Variants in LEKR1 observed in about 807,000 individuals in gnomAD.
LEKR1 encodes leucine, glutamate and lysine rich 1, also known as protein LEKR1.
A neutral mutation model predicts 72.4 loss-of-function variants in LEKR1; 59 were observed. The ratio of observed to expected loss-of-function variants is 0.82; its 90% CI spans 0.66 to 1.01. The LOEUF (loss-of-function observed/expected upper bound fraction) is 1.01, where lower values mean the gene tolerates loss of function less well. Among genes scored for constraint, LEKR1 ranks in the 50% least tolerant of loss-of-function variants. The pLI is 0.00. For synonymous variants in LEKR1, 257 were observed against 263.2 expected (o/e 0.98, Z 0.23); for missense variants, 728 against 759.2 (o/e 0.96, Z 0.48).
intron 4 of LEKR1, among the ~76,000 whole-genome samples, chr3:156,922,254 T>A (rs1724263903): frequency 6.6e-6 from 1 of 152,066 alleles, no homozygotes; most frequent in Non-Finnish European, 1.5e-5. Flanking sequence ...ATTTCTAGAG[T>A]TCAGTGACTT....
chr3:156,999,471 C>T (rs1198385194), intron 9 of LEKR1, among the ~76,000 whole-genome samples: 2 of 152,112 alleles, frequency 1.3e-5, no homozygotes, highest in Non-Finnish European at 2.9e-5. Flanking sequence ...GCAGGTTTCA[C>T]AATGAGGAGC....
At chr3:157,000,593 A>G (rs1373067184) in intron 9 of LEKR1, among the ~76,000 whole-genome samples, 2 of 152,230 alleles carry the variant, frequency 1.3e-5, no homozygotes, top group Non-Finnish European at 2.9e-5. Context: ...GTACTCAGAA[A>G]GTATTAGTTT....
chr3:156,930,106 C>A (rs984835199), intron 5 of LEKR1, among the ~76,000 whole-genome samples: 2 of 152,018 alleles, frequency 1.3e-5, no homozygotes, highest in Non-Finnish European at 2.9e-5. Flanking sequence ...AGATGCATAC[C>A]AAATTATGCA....
At chr3:156,929,002 C>G (rs1258925181) in intron 5 of LEKR1, among the ~76,000 whole-genome samples, 1 of 151,884 alleles carries the variant, frequency 6.6e-6, no homozygotes, top group Non-Finnish European at 1.5e-5. Context: ...ATATAATTAG[C>G]TAACCAGGAT....
In LEKR1 at chr3:156,927,447, C is replaced by A; in HGVS notation, c.402C>A (p.Tyr134Ter). 2.7e-6 allele frequency: 3 copies of A among 1,105,930 alleles called. No homozygotes were observed. Among genetic ancestry groups the A allele is most frequent in the Non-Finnish European group, 3.4e-6 (3 of 884,174 alleles). 68.5% of individuals were successfully genotyped at this position (1,105,930 alleles called of 1,614,324 possible). The change falls in exon 5 of 13, where the codon TAC (tyrosine) becomes TAA (stop). Residue 134 changes from tyrosine to a stop codon, truncating the protein, a stop_gained. Transcript: ENST00000356539. LOFTEE classifies it high-confidence loss of function. The part of the protein sequence containing the change: ...SYIFSQRLSE[Y>*]KYFWNKTLSL... ...TTTGCAGTCAAAGATTGTCAGAGTA[C>A]AAATATTTCTGGAATAAGACTCTTT...
At chr3:156,944,059 A>G (rs1347718592) in intron 6 of LEKR1, among the ~76,000 whole-genome samples, 1 of 151,450 alleles carries the variant, frequency 6.6e-6, no homozygotes, top group Non-Finnish European at 1.5e-5. Context: ...TTGACTTTTT[A>G]TGGTAAATTT....
chr3:156,871,159 A>G (rs1465040714), intron 3 of LEKR1, among the ~76,000 whole-genome samples: 1 of 146,434 alleles, frequency 6.8e-6, no homozygotes, highest in East Asian at 2.0e-4. Flanking sequence ...TCTTGTGTCC[A>G]TGTGTTCTCA....
At chr3:157,042,233 G>A (rs886551141) in intron 12 of LEKR1, among the ~76,000 whole-genome samples, 1 of 152,168 alleles carries the variant, frequency 6.6e-6, no homozygotes. Flanking sequence ...CAATTCAGGG[G>A]TCCTCCTGGT....
chr3:156,915,197 TAGTGCTGC>T (rs1294565768), intron 3 of LEKR1, among the ~76,000 whole-genome samples: 1 of 152,188 alleles, frequency 6.6e-6, no homozygotes, highest in Non-Finnish European at 1.5e-5. Context: ...ATATTGTGAA[TAGTGCTGC>T]AGTGAACATA....
chr3:157,035,492 TC>T (rs1053091922), intron 12 of LEKR1, among the ~76,000 whole-genome samples: 11 of 152,112 alleles, frequency 7.2e-5, no homozygotes, highest in African/African-American at 2.7e-4. Flanking sequence ...TATGGAGACT[TC>T]CCAGTACCCT....
At chr3:156,860,045 G>A (rs988994235) in intron 3 of LEKR1, among the ~76,000 whole-genome samples, 3 of 152,046 alleles carry the variant, frequency 2.0e-5, no homozygotes, top group Non-Finnish European at 4.4e-5. Context: ...TATCAAGTCC[G>A]AAGGTCCCTA....
rs181523153 is a variant in LEKR1 at position 157,028,124 on chromosome 3, G to T, written c.1390G>T (p.Ala464Ser). The part of the protein sequence containing the change: ...QMKISDLITG[A>S]TRDLRQEVTT... ...ACAGATATCTGACTTAATCACAGGC[G>T]CTACAAGAGATCTAAGGCAGGAAGT... The change falls in exon 12 of 13, where the codon GCT (alanine) becomes TCT (serine). Residue 464 changes from alanine (A) to serine (S), a missense_variant. By Grantham distance (99) the Ala-to-Ser change is moderately conservative. Coordinates refer to ENST00000356539, the MANE Select transcript of LEKR1 (RefSeq NM_001004316.3). 1.3e-6 allele frequency: 2 copies of T among 1,592,218 alleles called. No individual in the cohort carries two copies. The highest frequency in any genetic ancestry group is 3.5e-5 in the Admixed American group (2 of 56,872).
intron 3 of LEKR1, among the ~76,000 whole-genome samples, chr3:156,860,833 A>G (rs974388026): frequency 4.6e-5 from 7 of 152,198 alleles, no homozygotes; most frequent in African/African-American, 1.4e-4. Context: ...ATCCCTTTCT[A>G]TCTCTCATTC....
chr3:156,845,520 A>G (rs112109875), intron 2 of LEKR1, among the ~76,000 whole-genome samples: 4,828 of 150,910 alleles, frequency 0.032, 115 homozygotes, highest in Non-Finnish European at 0.048. Context: ...TGTGAGGTTT[A>G]GGTTGAGGTT....
intron 2 of LEKR1, among the ~76,000 whole-genome samples, chr3:156,835,372 G>A (rs1712968083): frequency 6.6e-6 from 1 of 152,176 alleles, no homozygotes. Flanking sequence ...CAAGGAACAG[G>A]GCCAAGAAAG....
intron 3 of LEKR1, among the ~76,000 whole-genome samples, chr3:156,857,571 A>G (rs1045157818): frequency 2.0e-5 from 3 of 152,174 alleles, no homozygotes; most frequent in African/African-American, 7.2e-5. Flanking sequence ...CAAAATACAT[A>G]CCAGTTGAGC....
intron 3 of LEKR1, among the ~76,000 whole-genome samples, chr3:156,899,702 GCATA>G (rs1721785168): frequency 8.7e-6 from 1 of 114,836 alleles, no homozygotes; most frequent in Non-Finnish European, 1.8e-5. Context: ...ATATATACAC[GCATA>G]TATACACATA....
intron 2 of LEKR1, among the ~76,000 whole-genome samples, chr3:156,829,799 A>G (rs1347975680): frequency 1.3e-5 from 2 of 152,220 alleles, no homozygotes; most frequent in East Asian, 3.8e-4. Flanking sequence ...TAAATTGTGT[A>G]GGTCCACTTA....
At chr3:156,889,995 C>T (rs1720497054) in intron 3 of LEKR1, among the ~76,000 whole-genome samples, 1 of 152,156 alleles carries the variant, frequency 6.6e-6, no homozygotes, top group Non-Finnish European at 1.5e-5. Context: ...GTTTGGCTTG[C>T]TTGCATCTCT....
Sources: gnomAD v4.1 joint callset for allele counts (sites outside exome capture counted in the v4.1 genomes callset) on GRCh38, gnomAD v4.1.1 for gene constraint, MANE v1.5 for transcripts, NCBI Gene and HGNC (gene_info 2026-07-23, HGNC 2026-07-21) for gene names.